The following PGBD2 variants were observed in gnomAD, a reference collection of about 807,000 sequenced individuals.
PGBD2 encodes the protein piggyBac transposable element derived 2, also known as piggyBac transposable element-derived protein 2.
PGBD2 carries 6 observed loss-of-function variants against 8.1 expected under a neutral mutation model. The observed-to-expected ratio is 0.74, with a 90% CI of 0.40 to 1.46. The LOEUF (loss-of-function observed/expected upper bound fraction) is 1.46. Among genes scored for constraint, PGBD2 ranks in the 40% most tolerant of loss-of-function variants. The pLI is 0.02. For missense variants in PGBD2, 802 were observed against 739.0 expected, an observed-to-expected ratio of 1.09 and a Z score of -0.99; for synonymous variants, 318 against 272.2, an observed-to-expected ratio of 1.17 and a Z score of -1.66.
the PGBD2 span, among the ~76,000 whole-genome samples, chr1:248,880,006 T>C: frequency 5.3e-5 from 8 of 152,348 alleles, no homozygotes; most frequent in African/African-American, 1.9e-4. Context: ...TATATGGTCC[T>C]GGAGTCTGAG....
At chr1:248,887,016 TG>T in the PGBD2 span, among the ~76,000 whole-genome samples, 6 of 152,218 alleles carry the variant, frequency 3.9e-5, no homozygotes, top group African/African-American at 9.7e-5. Flanking sequence ...TATTTATGTA[TG>T]TTTTTATGCA....
At chr1:248,921,825 T>C (rs1662292483), downstream of PGBD2, among the ~76,000 whole-genome samples, 1 of 152,236 alleles carries the variant, frequency 6.6e-6, no homozygotes, top group Non-Finnish European at 1.5e-5. Flanking sequence ...CAGTGATTTG[T>C]AGTTCTCCTT....
the PGBD2 span, among the ~76,000 whole-genome samples, chr1:248,880,430 G>C: frequency 6.6e-6 from 1 of 152,228 alleles, no homozygotes; most frequent in Non-Finnish European, 1.5e-5. Context: ...TGTTGTTCGA[G>C]TATGGGAATT....
chr1:248,925,371 C>T, the PGBD2 span, among the ~76,000 whole-genome samples: 1 of 152,302 alleles, frequency 6.6e-6, no homozygotes, highest in East Asian at 1.9e-4. Context: ...TGTTGAGCAT[C>T]ATCATTCTAA....
At position 248,917,826 on chromosome 1, in the gene PGBD2, C is replaced by T. The variant is rs201902800; in HGVS notation, c.1242C>T (p.His414=). The T allele has an allele frequency of 2.5e-5, 41 of 1,614,150 alleles. No homozygotes were observed. The East Asian group carries it at 2.9e-4, about 11-fold the overall frequency. ...ESEEIIVCRW[H]DSSVVNICSN... ...AGGAGATCATCGTGTGCCGCTGGCA[C>T]GATAGCAGCGTGGTCAACATTTGCT... Residue 414 remains histidine, a synonymous_variant, in exon 3 of 3, where the codon CAC becomes CAT. Coordinates refer to ENST00000329291, the MANE Select transcript of PGBD2 (RefSeq NM_170725.3).
chr1:248,895,889 T>C, the PGBD2 span, among the ~76,000 whole-genome samples: 4 of 151,988 alleles, frequency 2.6e-5, no homozygotes, highest in African/African-American at 9.7e-5. Context: ...GGTTTCACCA[T>C]GTTGGCCAGG....
chr1:248,914,741 C>T (rs375687542), intron 2 of PGBD2, among the ~76,000 whole-genome samples: 1 of 152,186 alleles, frequency 6.6e-6, no homozygotes, highest in African/African-American at 2.4e-5. Flanking sequence ...GATATGATTC[C>T]TCACTACCCT....
intron 2 of PGBD2, chr1:248,914,500 C>T (rs1662020484): frequency 2.3e-6 from 3 of 1,288,996 alleles, no homozygotes; most frequent in Non-Finnish European, 3.0e-6. Context: ...CAGTCAGTCT[C>T]CAGGAAGTGA....
the PGBD2 span, among the ~76,000 whole-genome samples, chr1:248,889,608 A>G: frequency 6.6e-6 from 1 of 152,182 alleles, no homozygotes; most frequent in African/African-American, 2.4e-5. Context: ...GCAGCCAGAA[A>G]AGAGCAGACA....
the PGBD2 span, among the ~76,000 whole-genome samples, chr1:248,928,257 C>G: frequency 6.6e-6 from 1 of 152,174 alleles, no homozygotes; most frequent in African/African-American, 2.4e-5. Context: ...GCCCTTGTTA[C>G]TGCATATTTT....
chr1:248,896,010 C>T, the PGBD2 span, among the ~76,000 whole-genome samples: 16 of 151,942 alleles, frequency 1.1e-4, no homozygotes, highest in South Asian at 2.1e-4. Context: ...TTATCCATCA[C>T]GCCCCTCCGA....
chr1:248,926,336 A>C, the PGBD2 span, among the ~76,000 whole-genome samples: 70 of 152,288 alleles, frequency 4.6e-4, 1 homozygote, highest in South Asian at 7.0e-3. Flanking sequence ...ACTATTACAT[A>C]ATGTAAAGGC....
chr1:248,906,896 G>A (rs745658520), intron 1 of PGBD2, among the ~76,000 whole-genome samples: 8 of 152,102 alleles, frequency 5.3e-5, no homozygotes, highest in Non-Finnish European at 8.8e-5. Context: ...TCCCACAAAA[G>A]CCATTCTGAG....
intron 2 of PGBD2, 40 bp downstream of exon 2, chr1:248,913,919 T>G (rs1558287467): frequency 6.4e-7 from 1 of 1,569,830 alleles, no homozygotes; most frequent in East Asian, 2.2e-5. Context: ...TTGAAGAATT[T>G]ATTCCCCTAT....
intron 1 of PGBD2, among the ~76,000 whole-genome samples, chr1:248,911,473 T>C (rs1459931650): frequency 2.7e-5 from 4 of 148,562 alleles, no homozygotes; most frequent in South Asian, 2.1e-4. Context: ...GCAGAAGAAG[T>C]TTTCTTAGTA....
At chr1:248,923,245 A>C (rs1222931225), downstream of PGBD2, among the ~76,000 whole-genome samples, 18 of 152,164 alleles carry the variant, frequency 1.2e-4, no homozygotes, top group Admixed American at 2.6e-4. Flanking sequence ...TTATTTGCAT[A>C]GATGCGTTTA....
chr1:248,903,169 C>T (rs2103097771), upstream of PGBD2, among the ~76,000 whole-genome samples: 1 of 152,148 alleles, frequency 6.6e-6, no homozygotes, highest in East Asian at 1.9e-4. Flanking sequence ...GACTCCCTAT[C>T]AACTAATTCT....
At chr1:248,892,789 A>G in the PGBD2 span, among the ~76,000 whole-genome samples, 6 of 152,098 alleles carry the variant, frequency 3.9e-5, no homozygotes, top group Non-Finnish European at 7.4e-5. Context: ...GTGGGCCTTG[A>G]CTCATGCAGT....
the PGBD2 span, among the ~76,000 whole-genome samples, chr1:248,898,972 A>G: frequency 6.6e-6 from 1 of 152,212 alleles, no homozygotes; most frequent in Non-Finnish European, 1.5e-5. Context: ...CTGACAAAAC[A>G]GACTTTAAAC....
Sources: gnomAD v4.1 joint callset for allele counts (sites outside exome capture counted in the v4.1 genomes callset) on GRCh38, gnomAD v4.1.1 for gene constraint, MANE v1.5 for transcripts, NCBI Gene and HGNC (gene_info 2026-07-23, HGNC 2026-07-21) for gene names.